Variants in ZMAT4 observed in about 807,000 individuals in gnomAD.
ZMAT4 encodes zinc finger matrin-type protein 4.
Under a neutral mutation model 28.7 loss-of-function variants are expected in ZMAT4, and 17 were observed. That is an observed-to-expected ratio of 0.59 (90% CI 0.41 to 0.89). The LOEUF (loss-of-function observed/expected upper bound fraction) is 0.89. Ranked by LOEUF, ZMAT4 falls within the 40% of genes least tolerant of loss-of-function variation. The pLI, the probability that ZMAT4 is intolerant of heterozygous loss-of-function variation, is 0.00. For missense variants in ZMAT4, 240 were observed against 283.8 expected (o/e 0.85, Z 1.11); for synonymous variants, 117 against 109.2 (o/e 1.07, Z -0.44).
At chr8:40,754,559 A>G (rs1812593801) in intron 3 of ZMAT4, among the ~76,000 whole-genome samples, 1 of 152,164 alleles carries the variant, frequency 6.6e-6, no homozygotes, top group African/African-American at 2.4e-5. Flanking sequence ...CATTTAAATT[A>G]TTATTTGTGT....
At chr8:40,533,510 C>G (rs1326301655) in intron 6 of ZMAT4, among the ~76,000 whole-genome samples, 1 of 152,160 alleles carries the variant, frequency 6.6e-6, no homozygotes, top group Non-Finnish European at 1.5e-5. Flanking sequence ...TCGCTAAGGT[C>G]CAAATGTCTC....
intron 5 of ZMAT4, among the ~76,000 whole-genome samples, chr8:40,665,678 A>T (rs915405496): frequency 9.9e-5 from 15 of 152,190 alleles, no homozygotes; most frequent in African/African-American, 3.6e-4. Flanking sequence ...TACACAAAAA[A>T]TATTCAAGTC....
At chr8:40,630,322 C>T (rs893290994) in intron 5 of ZMAT4, among the ~76,000 whole-genome samples, 1 of 152,150 alleles carries the variant, frequency 6.6e-6, no homozygotes, top group Non-Finnish European at 1.5e-5. Flanking sequence ...TCATTGGAAA[C>T]ACATTTCCCA....
At chr8:40,756,426 T>TATATATATATATATATATATATA (rs1812683324) in intron 3 of ZMAT4, among the ~76,000 whole-genome samples, 2 of 73,276 alleles carry the variant, frequency 2.7e-5, no homozygotes, top group African/African-American at 6.1e-5. Flanking sequence ...AAATGTTCTT[T>TATATATATATATATATATATATA]TATATATATA....
At chr8:40,557,868 T>G (rs550125786) in intron 6 of ZMAT4, among the ~76,000 whole-genome samples, 122 of 152,200 alleles carry the variant, frequency 8.0e-4, no homozygotes, top group African/African-American at 2.8e-3. Context: ...GATGGATGGA[T>G]AGACTGATTG....
At chr8:40,716,718 G>A (rs1810870885) in intron 3 of ZMAT4, among the ~76,000 whole-genome samples, 1 of 152,106 alleles carries the variant, frequency 6.6e-6, no homozygotes, top group Admixed American at 6.6e-5. Flanking sequence ...ATAAGAGAGA[G>A]TCAGTTTGAT....
intron 4 of ZMAT4, among the ~76,000 whole-genome samples, chr8:40,692,005 C>T (rs1397766261): frequency 6.6e-6 from 1 of 152,174 alleles, no homozygotes; most frequent in Admixed American, 6.5e-5. Flanking sequence ...TACCATCATA[C>T]TTGACTAAAA....
intron 2 of ZMAT4, among the ~76,000 whole-genome samples, chr8:40,790,416 A>T (rs1321584300): frequency 6.6e-6 from 1 of 152,166 alleles, no homozygotes; most frequent in Admixed American, 6.5e-5. Context: ...CAAAATTAGA[A>T]ATTGATATTT....
At chr8:40,708,571 T>TCTCTCTC (rs1810463131) in intron 3 of ZMAT4, among the ~76,000 whole-genome samples, 100 of 121,022 alleles carry the variant, frequency 8.3e-4, no homozygotes, top group Non-Finnish European at 1.3e-3. Flanking sequence ...TACACACTCT[T>TCTCTCTC]TCTCTCTCTC....
rs56024719 is a variant in ZMAT4 at position 40,760,706 on chromosome 8, GTC to G, written c.192+6933_192+6934del. On this transcript the variant is annotated intron_variant, in intron 3 of 6. Transcript: ENST00000297737. ...TCTCTCTCTCTCTCTCTCTGTCACA[GTC>G]TCTCTCTCTCTCTCTCTCTCTCTCT... is the stretch of plus-strand genomic sequence containing the variant. 4.4e-3 allele frequency among the ~76,000 whole-genome samples: 627 copies of G among 142,484 alleles called. 3 individuals carry two copies. The highest frequency in any genetic ancestry group is 0.011 in the Middle Eastern group (3 of 284). The allele number at this position is 142,484 out of a possible 152,430, so 93.5% of individuals were successfully genotyped here.
At chr8:40,803,977 A>G (rs1201973129) in intron 2 of ZMAT4, among the ~76,000 whole-genome samples, 1 of 152,216 alleles carries the variant, frequency 6.6e-6, no homozygotes, top group Non-Finnish European at 1.5e-5. Context: ...TAAGAAGCTA[A>G]TCTGAAAAGG....
chr8:40,838,118 C>G (rs956417355), intron 1 of ZMAT4, among the ~76,000 whole-genome samples: 17 of 152,216 alleles, frequency 1.1e-4, no homozygotes, highest in African/African-American at 4.1e-4. Context: ...AGCCCTGATG[C>G]TGGGGAGGAG....
At chr8:40,687,652 CA>C (rs1240729389) in intron 4 of ZMAT4, among the ~76,000 whole-genome samples, 1 of 152,068 alleles carries the variant, frequency 6.6e-6, no homozygotes, top group African/African-American at 2.4e-5. Context: ...ACTTTGACTA[CA>C]AATAAAACCT....
At chr8:40,868,759 G>C (rs1022394208) in intron 1 of ZMAT4, among the ~76,000 whole-genome samples, 2 of 152,174 alleles carry the variant, frequency 1.3e-5, no homozygotes, top group African/African-American at 4.8e-5. Flanking sequence ...ACAGGCTTTT[G>C]AGAAGTGCCT....
chr8:40,834,205 T>A (rs1816395212), intron 1 of ZMAT4, among the ~76,000 whole-genome samples: 1 of 152,180 alleles, frequency 6.6e-6, no homozygotes, highest in Admixed American at 6.5e-5. Context: ...GCTGGCCTGA[T>A]GACATCTGGG....
chr8:40,774,748 C>T (rs4737173), intron 2 of ZMAT4, among the ~76,000 whole-genome samples: 123,968 of 151,308 alleles, frequency 0.82, 52,282 homozygotes, highest in Non-Finnish European at 0.94. Context: ...TAAACAAAAA[C>T]GTATATGCAT....
intron 3 of ZMAT4, among the ~76,000 whole-genome samples, chr8:40,740,730 T>C (rs1280079057): frequency 2.0e-5 from 3 of 152,126 alleles, no homozygotes; most frequent in African/African-American, 7.2e-5. Context: ...CACACAGCAG[T>C]TTATGGAGCC....
intron 5 of ZMAT4, among the ~76,000 whole-genome samples, chr8:40,582,804 A>C (rs73677420): frequency 0.095 from 14,477 of 152,248 alleles, 831 homozygotes; most frequent in East Asian, 0.16. Flanking sequence ...GCACATAACA[A>C]GTGATCAATA....
chr8:40,876,508 G>A (rs771877172), intron 1 of ZMAT4, among the ~76,000 whole-genome samples: 9 of 151,774 alleles, frequency 5.9e-5, no homozygotes, highest in African/African-American at 4.8e-5. Flanking sequence ...TAGAGATGAG[G>A]TCTCGCTGTG....
Sources: allele counts gnomAD v4.1 joint callset (sites outside exome capture counted in the v4.1 genomes callset), GRCh38; gene constraint gnomAD v4.1.1; transcripts MANE v1.5; gene names NCBI Gene and HGNC (gene_info 2026-07-23, HGNC 2026-07-21).